Variants in ZNF500 observed in about 807,000 individuals in gnomAD.
ZNF500 encodes the protein zinc finger protein 500.
In ZNF500, 31 loss-of-function variants were observed where a neutral mutation model predicts 30.1. That is an observed-to-expected ratio of 1.03 (90% CI 0.77 to 1.39). ZNF500 has a LOEUF of 1.39. Among genes scored for constraint, ZNF500 ranks in the 40% most tolerant of loss-of-function variants. ZNF500 has a pLI of 0.00. For synonymous variants in ZNF500, 392 were observed against 282.0 expected (o/e 1.39, Z -3.91); for missense variants, 817 against 657.8 (o/e 1.24, Z -2.65).
intron 2 of ZNF500, chr16:4,763,064 C>T: frequency 1.0e-6 from 1 of 985,426 alleles, no homozygotes; most frequent in Non-Finnish European, 1.2e-6. Context: ...CAGCGCTGGA[C>T]TAATTTCAGA....
downstream of ZNF500, chr16:4,746,992 C>A: frequency 1.3e-6 from 2 of 1,541,746 alleles, no homozygotes; most frequent in South Asian, 2.4e-5. Context: ...CTGGGAGACG[C>A]AGAGGGGGCA....
chr16:4,744,990 A>G (rs763894075), downstream of ZNF500: 21 of 1,613,432 alleles, frequency 1.3e-5, no homozygotes, highest in South Asian at 2.3e-4. Context: ...CAGGACACCA[A>G]AGAGGCAGAT....
At position 4,752,531 on chromosome 16, in the gene ZNF500, T is replaced by C. The variant is rs2082092434; in HGVS notation, c.1288A>G (p.Thr430Ala). 6.4e-7 allele frequency: 1 copy of C among 1,563,896 alleles called. No individual in the cohort carries two copies. The highest frequency in any genetic ancestry group is 8.6e-7 in the Non-Finnish European group (1 of 1,159,236). ...GTGTAGGGCTTCTCACCTGTGTGCG[T>C]CCGGCGGTGGGCGCTGAAGTGCGAG... Reference protein sequence around the residue: ...NSSHFSAHRRTHTGEKPYTCP... With the variant: ...NSSHFSAHRRAHTGEKPYTCP... Residue 430 changes from threonine to alanine, a missense_variant, in exon 6 of 6, where the codon ACG (threonine) becomes GCG (alanine). By Grantham distance (58) the Thr-to-Ala change is moderately conservative (BLOSUM62 0). Coordinates refer to ENST00000219478, the MANE Select transcript of ZNF500 (RefSeq NM_021646.4).
In ZNF500 at chr16:4,751,658, C is replaced by G; in HGVS notation, c.*718G>C. On this transcript the variant is annotated 3_prime_UTR_variant, in exon 6 of 6. Transcript: ENST00000219478. ...TGTGCACCCAGACCTCAGAATGTGA[C>G]CTTATTTGGAAACACGGGTTTTGAT... The G allele has an allele frequency of 6.5e-7, 1 of 1,534,138 alleles. No individual in the cohort carries two copies. Among genetic ancestry groups the G allele is most frequent in the Non-Finnish European group, 8.7e-7 (1 of 1,145,692 alleles).
At chr16:4,764,054 G>T (rs1295231240) in intron 2 of ZNF500, 2 of 985,314 alleles carry the variant, frequency 2.0e-6, no homozygotes, top group East Asian at 1.1e-4. Flanking sequence ...GCAGGAATGA[G>T]TAAGAGGCTT....
chr16:4,745,274 G>C (rs1246020788), downstream of ZNF500, among the ~76,000 whole-genome samples: 1 of 152,168 alleles, frequency 6.6e-6, no homozygotes, highest in Non-Finnish European at 1.5e-5. Flanking sequence ...AAACCCAACG[G>C]GAACCCTCCT....
In ZNF500 at chr16:4,752,262, G is replaced by T. The variant is rs1479017825; in HGVS notation, c.*114C>A. On this transcript the variant is annotated 3_prime_UTR_variant, in exon 6 of 6. Transcript: ENST00000219478. ...AATGTCCCCTGCTGGCCTCATACTG[G>T]GCCATGGGAGGAAACGGGCAGCTGG... The T allele has an allele frequency of 4.9e-6, 7 of 1,429,746 alleles. No homozygotes were observed. The highest frequency in any genetic ancestry group is 2.9e-5 in the African/African-American group (2 of 69,572). The allele number at this position is 1,429,746 out of a possible 1,614,324, so 88.6% of individuals were successfully genotyped here.
At chr16:4,758,597 G>A (rs1044261055) in intron 5 of ZNF500, 3 of 152,138 alleles carry the variant, frequency 2.0e-5, no homozygotes, top group African/African-American at 7.2e-5. Context: ...CAGGAGGTTG[G>A]GCAGCATCCC....
intron 5 of ZNF500, among the ~76,000 whole-genome samples, chr16:4,755,279 C>T (rs1172282343): frequency 6.6e-6 from 1 of 151,980 alleles, no homozygotes; most frequent in Non-Finnish European, 1.5e-5. Context: ...TAGGCGTGAG[C>T]CACAGCACCC....
chr16:4,762,412 C>T, intron 3 of ZNF500, 77 bp from the exon 4 acceptor site: 2 of 1,533,152 alleles, frequency 1.3e-6, no homozygotes, highest in Non-Finnish European at 1.8e-6. Flanking sequence ...CACCAAGGCC[C>T]CAACAGCCCG....
Position 4,751,830 on chromosome 16 carries a change from C to CCCAG in ZNF500, c.*542_*545dup. ...GGATGAGGCAGGAGGAACACTTGAG[C>CCCAG]CCAGGGATTCGAGGCTGCAGTGAGC... On this transcript the variant is annotated 3_prime_UTR_variant, in exon 6 of 6. Transcript: ENST00000219478. 1 of 631,380 alleles carries CCCAG rather than the reference C, an allele frequency of 1.6e-6. No homozygotes were observed. Among genetic ancestry groups the CCCAG allele is most frequent in the Non-Finnish European group, 2.7e-6 (1 of 366,500 alleles). The allele number at this position is 631,380 out of a possible 1,614,324, so 39.1% of individuals were successfully genotyped here.
Position 4,765,806 on chromosome 16 carries a change from T to C in ZNF500, c.173A>G (p.Tyr58Cys). The change falls in exon 2 of 6, where the codon TAC becomes TGC. Residue 58 changes from tyrosine (Y) to cysteine (C), a missense_variant. By Grantham distance (194) the Tyr-to-Cys change is radical. Transcript: ENST00000219478. ...CTCCCGGGGCCCAGCCACCTCCTGG[T>C]AGCAGAAGAGCCGGAAGAGCTGGCG... ...TFRQLFRLFCYQEVAGPREAL... is the reference protein window; with the variant it reads ...TFRQLFRLFCCQEVAGPREAL... 1 of 1,613,374 alleles carries C rather than the reference T, an allele frequency of 6.2e-7. No individual in the cohort carries two copies. Among genetic ancestry groups the C allele is most frequent in the Non-Finnish European group, 8.5e-7 (1 of 1,179,924 alleles).
At position 4,765,779 on chromosome 16, in the gene ZNF500, G is replaced by C. The variant is rs1567542324; in HGVS notation, c.200C>G (p.Ala67Gly). 1.9e-6 allele frequency: 3 copies of C among 1,612,830 alleles called. No individual in the cohort carries two copies. Residue 67 changes from alanine to glycine, a missense_variant, in exon 2 of 6, where the codon GCC (alanine) becomes GGC (glycine). Ala to Gly is a moderately conservative substitution (Grantham distance 60). Transcript: ENST00000219478. Reference protein sequence around the residue: ...CYQEVAGPREALSRLWELCCR... With the variant: ...CYQEVAGPREGLSRLWELCCR... ...GCACAGCTCCCAGAGGCGGCTCAGG[G>C]CCTCCCGGGGCCCAGCCACCTCCTG...
Position 4,751,678 on chromosome 16 carries a change from T to C in ZNF500, c.*698A>G. The C allele has an allele frequency of 6.6e-7, 1 of 1,520,066 alleles. No individual in the cohort carries two copies. Among genetic ancestry groups the C allele is most frequent in the African/African-American group, 1.4e-5 (1 of 72,738 alleles). 94.2% of individuals were successfully genotyped at this position (1,520,066 alleles called of 1,614,324 possible). On this transcript the variant is annotated 3_prime_UTR_variant, in exon 6 of 6. Coordinates refer to ENST00000219478, the MANE Select transcript of ZNF500 (RefSeq NM_021646.4). ...TGTGACCTTATTTGGAAACACGGGT[T>C]TTGATGATATAATTAGTTAAGATGA...
rs1295231240 is a variant in ZNF500, at chr16:4,764,054, G to C, written c.415-1298C>G. ...ACTGAAACTGAAGCAGCAGGAATGA[G>C]TAAGAGGCTTCCTCTACTCCTTCAA... is the stretch of plus-strand genomic sequence containing the variant. On this transcript the variant is annotated intron_variant, in intron 2 of 5. Transcript: ENST00000219478. The C allele has an allele frequency of 2.7e-5, 27 of 985,314 alleles. 1 individual carries two copies. Among genetic ancestry groups the C allele is most frequent in the Admixed American group, 1.2e-4 (2 of 16,266 alleles). The allele number at this position is 985,314 out of a possible 1,614,324, so 61.0% of individuals were successfully genotyped here. A position where few individuals can be genotyped will look rare whatever the true frequency, so the allele number is the denominator to read the frequency against.
downstream of ZNF500, among the ~76,000 whole-genome samples, chr16:4,748,002 G>T (rs2082039558): frequency 6.6e-6 from 1 of 152,016 alleles, no homozygotes; most frequent in Non-Finnish European, 1.5e-5. Flanking sequence ...CATCAATAAG[G>T]TCTTTTTAAA....
chr16:4,760,268 G>C (rs569658946), intron 5 of ZNF500, among the ~76,000 whole-genome samples: 1 of 152,150 alleles, frequency 6.6e-6, no homozygotes. Flanking sequence ...GTAGGGGGCA[G>C]AGGCAGAAGA....
At chr16:4,746,398 C>T (rs61746912), downstream of ZNF500, 104,376 of 1,612,750 alleles carry the variant, frequency 0.065, 4,922 homozygotes, top group South Asian at 0.21. Flanking sequence ...AAGCAGGGCT[C>T]CCAGGCTGGG....
At position 4,762,770 on chromosome 16, in the gene ZNF500, G is replaced by T; in HGVS notation, c.415-14C>A. On this transcript the variant is annotated splice_polypyrimidine_tract_variant and intron_variant, in intron 2 of 5. Coordinates refer to ENST00000219478, the MANE Select transcript of ZNF500 (RefSeq NM_021646.4). ...CAGCTCTGAGCCCTGCACACAGACA[G>T]TGATCTCCCCACCAGCTCCCAGAAG... 1 of 1,578,948 alleles carries T rather than the reference G, an allele frequency of 6.3e-7. No individual in the cohort carries two copies.
Sources: gnomAD v4.1 joint callset for allele counts (sites outside exome capture counted in the v4.1 genomes callset) on GRCh38, gnomAD v4.1.1 for gene constraint, MANE v1.5 for transcripts, NCBI Gene and HGNC (gene_info 2026-07-23, HGNC 2026-07-21) for gene names.